LRP12: variants seen among roughly 807,000 people sequenced by gnomAD.
LRP12 encodes the protein low-density lipoprotein receptor-related protein 12.
In LRP12, 14 loss-of-function variants were observed where a neutral mutation model predicts 66.0. That is an observed-to-expected ratio of 0.21 (90% CI 0.14 to 0.33). The LOEUF is 0.33. Ranked by LOEUF, LRP12 falls within the 10% of genes least tolerant of loss-of-function variation. LRP12 has a pLI of 1.00. For missense variants in LRP12, 889 were observed against 1,053.4 expected (o/e 0.84, Z 2.16); for synonymous variants, 357 against 359.1 (o/e 0.99, Z 0.07).
At chr8:104,533,415 C>A (rs1034455828) in intron 1 of LRP12, among the ~76,000 whole-genome samples, 1 of 152,040 alleles carries the variant, frequency 6.6e-6, no homozygotes, top group African/African-American at 2.4e-5. Flanking sequence ...TTGCTACTCA[C>A]GAGTAGACTA....
At chr8:104,523,679 C>G (rs1811183684) in intron 2 of LRP12, among the ~76,000 whole-genome samples, 2 of 152,084 alleles carry the variant, frequency 1.3e-5, no homozygotes, top group African/African-American at 4.8e-5. Flanking sequence ...CCAAATAACA[C>G]CACTGGATCC....
intron 1 of LRP12, among the ~76,000 whole-genome samples, chr8:104,539,254 T>C (rs139210248): frequency 1.1e-3 from 166 of 152,134 alleles, no homozygotes; most frequent in African/African-American, 3.6e-3. Context: ...ATGGCACTTA[T>C]ATTGATTTAA....
At chr8:104,583,001 G>A (rs1343653845) in intron 1 of LRP12, among the ~76,000 whole-genome samples, 1 of 152,012 alleles carries the variant, frequency 6.6e-6, no homozygotes, top group Non-Finnish European at 1.5e-5. Context: ...TACGGCAAGA[G>A]GAAAAATCCC....
intron 1 of LRP12, among the ~76,000 whole-genome samples, chr8:104,554,261 C>A (rs1335387623): frequency 6.6e-6 from 1 of 152,130 alleles, no homozygotes; most frequent in Non-Finnish European, 1.5e-5. Context: ...AGCAATGGAT[C>A]CAAACCAAGA....
At chr8:104,584,419 A>G (rs189806278) in intron 1 of LRP12, among the ~76,000 whole-genome samples, 3 of 152,186 alleles carry the variant, frequency 2.0e-5, no homozygotes, top group African/African-American at 4.8e-5. Flanking sequence ...CATATCAGAA[A>G]CACAAAAAGG....
At chr8:104,501,638 A>C (rs558316602) in intron 3 of LRP12, among the ~76,000 whole-genome samples, 2 of 150,618 alleles carry the variant, frequency 1.3e-5, no homozygotes, top group South Asian at 4.2e-4. Context: ...TGGGAGGTGG[A>C]GGTTGTAGTG....
intron 1 of LRP12, among the ~76,000 whole-genome samples, chr8:104,566,794 CTTAA>C (rs1812011427): frequency 1.3e-5 from 2 of 151,882 alleles, no homozygotes; most frequent in Admixed American, 1.3e-4. Context: ...AGAAAAGGCC[CTTAA>C]TTATTATTGT....
intron 3 of LRP12, chr8:104,504,784 C>T (rs945707282): frequency 2.0e-5 from 3 of 152,100 alleles, no homozygotes; most frequent in African/African-American, 7.2e-5. Flanking sequence ...AAAAATCTCC[C>T]ACTGCAACTG....
At chr8:104,566,004 G>A (rs1045143759) in intron 1 of LRP12, 1 of 176,794 alleles carries the variant, frequency 5.7e-6, no homozygotes, top group Non-Finnish European at 1.2e-5. Context: ...TGCGGGGAGA[G>A]GGAGAGGACG....
At chr8:104,577,365 T>C (rs1217435281) in intron 1 of LRP12, among the ~76,000 whole-genome samples, 1 of 151,992 alleles carries the variant, frequency 6.6e-6, no homozygotes, top group Non-Finnish European at 1.5e-5. Flanking sequence ...AGAAATGAAA[T>C]AGTAAAAAAC....
intron 2 of LRP12, among the ~76,000 whole-genome samples, chr8:104,528,606 C>T (rs1811280308): frequency 6.6e-6 from 1 of 152,118 alleles, no homozygotes; most frequent in South Asian, 2.1e-4. Flanking sequence ...GAAACCACGT[C>T]TCTATTAAAA....
At chr8:104,511,086 G>A (rs2140844949) in intron 2 of LRP12, among the ~76,000 whole-genome samples, 1 of 132,806 alleles carries the variant, frequency 7.5e-6, no homozygotes, top group East Asian at 2.2e-4. Flanking sequence ...TGTCTCCAGG[G>A]TGGATGGAGT....
chr8:104,513,520 T>G (rs1466812078), intron 2 of LRP12, among the ~76,000 whole-genome samples: 1 of 152,172 alleles, frequency 6.6e-6, no homozygotes, highest in Non-Finnish European at 1.5e-5. Flanking sequence ...ATTCTGACCT[T>G]ATCTCCACAG....
intron 2 of LRP12, among the ~76,000 whole-genome samples, chr8:104,518,246 A>G (rs1304365073): frequency 6.6e-6 from 1 of 152,096 alleles, no homozygotes; most frequent in Non-Finnish European, 1.5e-5. Context: ...CCTAACACTT[A>G]TTGAACTCTT....
At chr8:104,546,935 A>G (rs942211978) in intron 1 of LRP12, among the ~76,000 whole-genome samples, 1 of 144,374 alleles carries the variant, frequency 6.9e-6, no homozygotes, top group Non-Finnish European at 1.5e-5. Context: ...ATTATATATT[A>G]TATTTTGTAT....
At chr8:104,578,070 T>A (rs1812193010) in intron 1 of LRP12, among the ~76,000 whole-genome samples, 1 of 149,214 alleles carries the variant, frequency 6.7e-6, no homozygotes, top group Non-Finnish European at 1.5e-5. Flanking sequence ...TGAAGGAGAC[T>A]GAGATGCAAA....
intron 1 of LRP12, among the ~76,000 whole-genome samples, chr8:104,581,157 A>C (rs1812243586): frequency 6.6e-6 from 1 of 152,222 alleles, no homozygotes. Flanking sequence ...GGTGGGGGCC[A>C]TTATCCTTAG....
Position 104,491,585 on chromosome 8 carries a change from T to C in LRP12, c.1714-46A>G, listed in dbSNP as rs376206903. 190 of 1,002,528 alleles carry C rather than the reference T, an allele frequency of 1.9e-4. No individual in the cohort carries two copies. In the Middle Eastern group the frequency reaches 3.4e-3, roughly 18 times the overall value. The allele number at this position is 1,002,528 out of a possible 1,614,324, so 62.1% of individuals were successfully genotyped here. On this transcript the variant is annotated intron_variant, in intron 6 of 6. Transcript: ENST00000276654. ...CTTAAGATAGTTAACAACAAGGTACTAAGATAAAAAAAAAAAAAAACACCC... is the reference window on the plus strand; with the variant it reads ...CTTAAGATAGTTAACAACAAGGTACCAAGATAAAAAAAAAAAAAAACACCC...
intron 1 of LRP12, among the ~76,000 whole-genome samples, chr8:104,579,548 T>C (rs1812214549): frequency 2.0e-5 from 3 of 152,290 alleles, no homozygotes; most frequent in Admixed American, 1.3e-4. Flanking sequence ...TAAATGACCA[T>C]TGACATTCTT....
Sources: gnomAD v4.1 joint callset for allele counts (sites outside exome capture counted in the v4.1 genomes callset) on GRCh38, gnomAD v4.1.1 for gene constraint, MANE v1.5 for transcripts, NCBI Gene and HGNC (gene_info 2026-07-23, HGNC 2026-07-21) for gene names.